Variants in INTS12 observed in about 807,000 individuals in gnomAD.
The protein encoded by INTS12 is PHD finger protein 22.
INTS12 carries 13 observed loss-of-function variants against 41.6 expected under a neutral mutation model. That is an observed-to-expected ratio of 0.31 (90% CI 0.20 to 0.50). INTS12 has a LOEUF of 0.50. Among genes scored for constraint, INTS12 ranks in the 20% least tolerant of loss-of-function variants. The pLI is 0.98. For synonymous variants in INTS12, 199 were observed against 191.4 expected (o/e 1.04, Z -0.33); for missense variants, 432 against 541.6 (o/e 0.80, Z 2.01).
chr4:105,689,499 C>T lies in INTS12; in HGVS notation c.657+2477G>A, dbSNP rs74673939. Among the ~76,000 whole-genome samples the T allele has an allele frequency of 8.3e-3, 1,260 of 152,244 alleles. 10 individuals carry two copies. The highest frequency in any genetic ancestry group is 0.027 in the Middle Eastern group (8 of 294). The stretch of plus-strand genomic sequence containing the variant: ...CAGATCATGTCTTTTGGTATTTCCC[C>T]ACATTTGCTCTTGGTGTATTCTAGT... On this transcript the variant is annotated intron_variant, in intron 6 of 7. Transcript: ENST00000340139.
intron 1 of INTS12, chr4:105,706,254 C>CTTTTTTTTTTTTT: frequency 8.0e-6 from 1 of 125,404 alleles, no homozygotes; most frequent in Non-Finnish European, 1.7e-5. Flanking sequence ...ACTTCAATCT[C>CTTTTTTTTTTTTT]TTTTTTTTTT....
At chr4:105,688,031 A>C (rs1731555698) in intron 6 of INTS12, among the ~76,000 whole-genome samples, 1 of 152,174 alleles carries the variant, frequency 6.6e-6, no homozygotes, top group Non-Finnish European at 1.5e-5. Flanking sequence ...TGAATCTCTA[A>C]AAGCCTCATT....
At chr4:105,691,339 C>G (rs772192367) in intron 6 of INTS12, among the ~76,000 whole-genome samples, 2 of 152,080 alleles carry the variant, frequency 1.3e-5, no homozygotes, top group Non-Finnish European at 2.9e-5. Context: ...TATCATTTAT[C>G]TATTTTATAA....
At position 105,682,700 on chromosome 4, in the gene INTS12, G is replaced by T; in HGVS notation, c.*33C>A. ...CATAATAATAAGCCTTTCATCTTTA[G>T]GCTAATATGATACAAAAACCTACTT... is the stretch of plus-strand genomic sequence containing the variant. On this transcript the variant is annotated 3_prime_UTR_variant, in exon 8 of 8. Transcript: ENST00000340139. 6.7e-7 allele frequency: 1 copy of T among 1,494,414 alleles called. No individual in the cohort carries two copies. Among genetic ancestry groups the T allele is most frequent in the South Asian group, 1.1e-5 (1 of 87,816 alleles). The allele number at this position is 1,494,414 out of a possible 1,614,324, so 92.6% of individuals were successfully genotyped here.
chr4:105,699,996 T>C lies in INTS12; in HGVS notation c.10A>G (p.Thr4Ala), dbSNP rs1190494099. 3.3e-6 allele frequency: 5 copies of C among 1,507,416 alleles called. No homozygotes were observed. Among genetic ancestry groups the C allele is most frequent in the Non-Finnish European group, 4.5e-6 (5 of 1,112,168 alleles). 93.4% of individuals were successfully genotyped at this position (1,507,416 alleles called of 1,614,324 possible). Residue 4 changes from threonine to alanine, a missense_variant, in exon 3 of 8, where the codon ACT becomes GCT. By Grantham distance (58) the Thr-to-Ala change is moderately conservative. Coordinates refer to ENST00000340139, the MANE Select transcript of INTS12 (RefSeq NM_020395.4). MAATVNLELDPIFL... is the reference protein window; with the variant it reads MAAAVNLELDPIFL... ...ATGGGATCAAGTTCCAAGTTCACAG[T>C]AGCAGCCATTGCAAACGCCTGAAGG... is the stretch of plus-strand genomic sequence containing the variant.
At chr4:105,686,211 C>T (rs1208895137) in intron 7 of INTS12, among the ~76,000 whole-genome samples, 2 of 152,114 alleles carry the variant, frequency 1.3e-5, no homozygotes, top group Non-Finnish European at 2.9e-5. Context: ...CAGGCACCGC[C>T]ACTATGCCTG....
At chr4:105,698,642 C>T (rs1238882614) in intron 3 of INTS12, among the ~76,000 whole-genome samples, 2 of 152,104 alleles carry the variant, frequency 1.3e-5, no homozygotes, top group African/African-American at 4.8e-5. Flanking sequence ...TTTTGTAGAG[C>T]CATATTGATT....
intron 5 of INTS12, 81 bp downstream of exon 5, chr4:105,693,210 AATTTTTCT>A: frequency 2.7e-6 from 3 of 1,097,532 alleles, no homozygotes; most frequent in Non-Finnish European, 3.8e-6. Flanking sequence ...AATGCACAAC[AATTTTTCT>A]GATTTTGGGG....
intron 3 of INTS12, among the ~76,000 whole-genome samples, chr4:105,696,777 C>G (rs1731883182): frequency 6.6e-6 from 1 of 152,078 alleles, no homozygotes. Flanking sequence ...GAGAAACTGC[C>G]AAACTGTGGC....
intron 1 of INTS12, chr4:105,706,264 T>C (rs1048978781): frequency 6.7e-6 from 1 of 149,202 alleles, no homozygotes; most frequent in African/African-American, 2.5e-5. Flanking sequence ...CTTTTTTTTT[T>C]TTTTTTTTTT....
intron 1 of INTS12, among the ~76,000 whole-genome samples, chr4:105,705,110 G>A (rs1454355727): frequency 6.6e-6 from 1 of 152,190 alleles, no homozygotes; most frequent in African/African-American, 2.4e-5. Context: ...TGCAGCAGGA[G>A]GTGAGCAGTA....
chr4:105,689,965 GA>G (rs1193314068), intron 6 of INTS12, among the ~76,000 whole-genome samples: 1 of 152,192 alleles, frequency 6.6e-6, no homozygotes, highest in African/African-American at 2.4e-5. Flanking sequence ...ACAGAATGTA[GA>G]ATGTGTCCAG....
chr4:105,696,027 G>A (rs1308992774), intron 3 of INTS12, among the ~76,000 whole-genome samples: 1 of 151,886 alleles, frequency 6.6e-6, no homozygotes, highest in East Asian at 1.9e-4. Context: ...GATTTTTGTA[G>A]TTTCAGTACA....
At chr4:105,685,262 G>A (rs1232716906) in intron 7 of INTS12, among the ~76,000 whole-genome samples, 1 of 151,958 alleles carries the variant, frequency 6.6e-6, no homozygotes, top group African/African-American at 2.4e-5. Context: ...TATGACAGCA[G>A]TCTTTAATTT....
rs1255144965 is a variant in INTS12, at chr4:105,692,125, C to T, written c.508G>A (p.Val170Met). 6.2e-7 allele frequency: 1 copy of T among 1,610,250 alleles called. No individual in the cohort carries two copies. Among genetic ancestry groups the T allele is most frequent in the Non-Finnish European group, 8.5e-7 (1 of 1,178,320 alleles). Reference protein sequence around the residue: ...LACVVCRQMMVASGNQLVECQ... With the variant: ...LACVVCRQMMMASGNQLVECQ... The stretch of plus-strand genomic sequence containing the variant: ...TCTACTAATTGATTGCCAGATGCCA[C>T]CATCATTTGCCTAAGAAAACATACC... The change falls in exon 6 of 8, where the codon GTG becomes ATG. Residue 170 changes from valine (V) to methionine (M), a missense_variant. By Grantham distance (21) the Val-to-Met change is conservative. Coordinates refer to ENST00000340139, the MANE Select transcript of INTS12 (RefSeq NM_020395.4).
intron 7 of INTS12, among the ~76,000 whole-genome samples, chr4:105,686,270 G>A (rs1294584831): frequency 6.6e-6 from 1 of 152,136 alleles, no homozygotes; most frequent in Admixed American, 6.6e-5. Flanking sequence ...TGTATTTTTA[G>A]TAGAGATGGG....
At chr4:105,707,667 TTC>T (rs1732338503) in intron 1 of INTS12, among the ~76,000 whole-genome samples, 1 of 152,222 alleles carries the variant, frequency 6.6e-6, no homozygotes, top group East Asian at 1.9e-4. Flanking sequence ...CTCACAATCT[TTC>T]GCCTGTCTTG....
At position 105,683,028 on chromosome 4, in the gene INTS12, G is replaced by A. The variant is rs753942504; in HGVS notation, c.1094C>T (p.Pro365Leu). The change falls in exon 8 of 8, where the codon CCT becomes CTT. Residue 365 changes from proline (P) to leucine (L), a missense_variant. This residue lies in a region of INTS12 where 258 missense variants were observed against 309.9 expected (regional missense o/e 0.83). Coordinates refer to ENST00000340139, the MANE Select transcript of INTS12 (RefSeq NM_020395.4). The part of the protein sequence containing the change: ...TPTVPLKPPP[P>L]LTLGKTGLSR... ...AAGGCCAGTTTTACCCAAGGTTAGA[G>A]GTGGAGGTGGTTTTAAAGGTACAGT... 6.2e-7 allele frequency: 1 copy of A among 1,614,150 alleles called. No individual in the cohort carries two copies. Among genetic ancestry groups the A allele is most frequent in the Admixed American group, 1.7e-5 (1 of 60,024 alleles).
At chr4:105,683,714 A>G (rs1207967416) in intron 7 of INTS12, among the ~76,000 whole-genome samples, 1 of 152,196 alleles carries the variant, frequency 6.6e-6, no homozygotes, top group Admixed American at 6.5e-5. Context: ...ATCATTTCAA[A>G]AATTTAATTC....
Sources: allele counts gnomAD v4.1 joint callset (sites outside exome capture counted in the v4.1 genomes callset), GRCh38; gene constraint gnomAD v4.1.1; regional missense constraint gnomAD v4.1.1; transcripts MANE v1.5; gene names NCBI Gene and HGNC (gene_info 2026-07-23, HGNC 2026-07-21).